PTPRD: variants seen among roughly 807,000 people sequenced by gnomAD.
PTPRD encodes the protein protein tyrosine phosphatase receptor type D.
PTPRD carries 34 observed loss-of-function variants against 214.5 expected under a neutral mutation model. The ratio of observed to expected loss-of-function variants is 0.16; its 90% CI spans 0.12 to 0.21. PTPRD has a LOEUF of 0.21. Among genes scored for constraint, PTPRD ranks in the 10% least tolerant of loss-of-function variants. The probability of loss-of-function intolerance (pLI) is 1.00; values close to 1 mark genes in which losing one functional copy is unlikely to be tolerated. For missense variants in PTPRD, 2,545 were observed against 2,398.7 expected, an observed-to-expected ratio of 1.06 and a Z score of -1.27; for synonymous variants, 1,128 against 845.7, an observed-to-expected ratio of 1.33 and a Z score of -5.79.
chr9:9,175,578 G>A (rs2099924160), intron 10 of PTPRD, among the ~76,000 whole-genome samples: 1 of 142,196 alleles, frequency 7.0e-6, no homozygotes, highest in Non-Finnish European at 1.5e-5. Flanking sequence ...AGCCGAGATT[G>A]CGCTGCTGCA....
In PTPRD at chr9:10,453,100, T is replaced by G; in HGVS notation, c.-599-112083A>C. Reference sequence around the variant, plus strand: ...TATCTTTTCTCCATTGTATATTCTTTAAGCTCTTGTCAAGGATTAGTTGCC... The same window carrying G: ...TATCTTTTCTCCATTGTATATTCTTGAAGCTCTTGTCAAGGATTAGTTGCC... On this transcript the variant is annotated intron_variant, in intron 2 of 45. Coordinates refer to ENST00000381196, the MANE Select transcript of PTPRD (RefSeq NM_002839.4). Among the ~76,000 whole-genome samples, 2 of 151,622 alleles carry G rather than the reference T, an allele frequency of 1.3e-5. 1 individual carries two copies. Among genetic ancestry groups the G allele is most frequent in the Non-Finnish European group, 3.0e-5 (2 of 67,626 alleles).
chr9:9,916,566 T>G (rs2080877488), intron 5 of PTPRD, among the ~76,000 whole-genome samples: 1 of 151,918 alleles, frequency 6.6e-6, no homozygotes, highest in African/African-American at 2.4e-5. Flanking sequence ...TACATATATG[T>G]TGCCTACAAG....
chr9:9,148,261 A>G (rs188252374), intron 10 of PTPRD, among the ~76,000 whole-genome samples: 1 of 152,296 alleles, frequency 6.6e-6, no homozygotes, highest in African/African-American at 2.4e-5. Context: ...TAGCTTTGAT[A>G]AATCAGAAAA....
chr9:9,055,229 G>A (rs1372955052), intron 10 of PTPRD, among the ~76,000 whole-genome samples: 1 of 151,890 alleles, frequency 6.6e-6, no homozygotes, highest in Non-Finnish European at 1.5e-5. Flanking sequence ...GCCACCATCA[G>A]AAAAAAACAT....
At chr9:8,911,402 G>A (rs1166300134) in intron 11 of PTPRD, among the ~76,000 whole-genome samples, 1 of 119,668 alleles carries the variant, frequency 8.4e-6, no homozygotes, top group Non-Finnish European at 1.8e-5. Flanking sequence ...GTGTGTCTGT[G>A]TGTGTGTGTG....
At chr9:10,293,235 G>T (rs1206093337) in intron 3 of PTPRD, among the ~76,000 whole-genome samples, 2 of 151,608 alleles carry the variant, frequency 1.3e-5, no homozygotes, top group African/African-American at 2.4e-5. Flanking sequence ...AAAATATTGG[G>T]GTTTTCCTGA....
intron 11 of PTPRD, among the ~76,000 whole-genome samples, chr9:8,808,319 G>A (rs1407804413): frequency 2.0e-5 from 3 of 152,136 alleles, no homozygotes; most frequent in Non-Finnish European, 2.9e-5. Flanking sequence ...CCTACTCCGT[G>A]CAGACACTGC....
intron 8 of PTPRD, among the ~76,000 whole-genome samples, chr9:9,565,725 C>A (rs753804510): frequency 5.9e-5 from 9 of 151,750 alleles, no homozygotes; most frequent in Non-Finnish European, 1.3e-4. Context: ...CATTATTATT[C>A]ATTTTTTGTG....
At chr9:8,722,916 A>T (rs2098517064) in intron 12 of PTPRD, among the ~76,000 whole-genome samples, 1 of 152,196 alleles carries the variant, frequency 6.6e-6, no homozygotes, top group Non-Finnish European at 1.5e-5. Context: ...AGAAAATTTC[A>T]GTTAAGCTGT....
intron 4 of PTPRD, among the ~76,000 whole-genome samples, chr9:9,942,658 C>A (rs991542328): frequency 6.6e-6 from 1 of 152,034 alleles, no homozygotes; most frequent in African/African-American, 2.4e-5. Context: ...TTTTGCAAAT[C>A]TTACAGGTGA....
chr9:10,533,992 A>C (rs1249983988), intron 2 of PTPRD, among the ~76,000 whole-genome samples: 1 of 151,484 alleles, frequency 6.6e-6, no homozygotes, highest in Non-Finnish European at 1.5e-5. Context: ...TTTATTAATA[A>C]ATATAAAATA....
chr9:9,288,901 T>C (rs987007067), intron 9 of PTPRD, among the ~76,000 whole-genome samples: 2 of 151,896 alleles, frequency 1.3e-5, no homozygotes, highest in Non-Finnish European at 2.9e-5. Flanking sequence ...TGACACTTTC[T>C]CCTTGCTGCC....
chr9:10,468,305 G>T (rs1471058649), intron 2 of PTPRD, among the ~76,000 whole-genome samples: 1 of 152,122 alleles, frequency 6.6e-6, no homozygotes, highest in Non-Finnish European at 1.5e-5. Flanking sequence ...CTACACCATG[G>T]AATACTATGC....
At chr9:9,299,634 C>A (rs574583743) in intron 9 of PTPRD, among the ~76,000 whole-genome samples, 1 of 151,844 alleles carries the variant, frequency 6.6e-6, no homozygotes, top group South Asian at 2.1e-4. Context: ...CCATACACAT[C>A]TTAATGATTA....
At chr9:9,077,210 C>A (rs1051090243) in intron 10 of PTPRD, among the ~76,000 whole-genome samples, 9 of 148,654 alleles carry the variant, frequency 6.1e-5, no homozygotes, top group Admixed American at 5.4e-4. Context: ...TGGTTTTTAA[C>A]CCTTCATGAG....
chr9:8,358,924 G>C (rs959941315), intron 39 of PTPRD, among the ~76,000 whole-genome samples: 1 of 150,848 alleles, frequency 6.6e-6, no homozygotes, highest in African/African-American at 2.4e-5. Flanking sequence ...TGGCTAACAC[G>C]GTGAAACCCC....
At chr9:8,930,005 C>A (rs555218515) in intron 11 of PTPRD, among the ~76,000 whole-genome samples, 1 of 151,038 alleles carries the variant, frequency 6.6e-6, no homozygotes, top group Non-Finnish European at 1.5e-5. Context: ...TACATGTGCA[C>A]AACGTGCAGG....
At chr9:10,134,247 A>T (rs537784101) in intron 3 of PTPRD, among the ~76,000 whole-genome samples, 3 of 152,272 alleles carry the variant, frequency 2.0e-5, no homozygotes, top group African/African-American at 7.2e-5. Context: ...TGGTGACCTT[A>T]TCTTTGGCTC....
chr9:8,509,150 G>A (rs562651424), intron 21 of PTPRD, among the ~76,000 whole-genome samples: 1 of 152,156 alleles, frequency 6.6e-6, no homozygotes, highest in East Asian at 1.9e-4. Flanking sequence ...AGATTGAAAG[G>A]TGGAAGCGAA....
Sources: allele counts gnomAD v4.1 joint callset (sites outside exome capture counted in the v4.1 genomes callset), GRCh38; gene constraint gnomAD v4.1.1; transcripts MANE v1.5; gene names NCBI Gene and HGNC (gene_info 2026-07-23, HGNC 2026-07-21).